CLYBL: variants seen among roughly 807,000 people sequenced by gnomAD.
CLYBL encodes citramalyl-CoA lyase, mitochondrial.
Under a neutral mutation model 38.9 loss-of-function variants are expected in CLYBL, and 31 were observed. The observed-to-expected ratio is 0.80, with a 90% CI of 0.60 to 1.08. CLYBL has a LOEUF of 1.08. Ranked by LOEUF, CLYBL falls within the 50% of genes least tolerant of loss-of-function variation. CLYBL has a pLI of 0.00. For synonymous variants in CLYBL, 171 were observed against 158.6 expected (o/e 1.08, Z -0.59); for missense variants, 434 against 411.6 (o/e 1.05, Z -0.47).
At chr13:99,705,780 T>C (rs954310064) in intron 1 of CLYBL, among the ~76,000 whole-genome samples, 1 of 152,030 alleles carries the variant, frequency 6.6e-6, no homozygotes, top group Non-Finnish European at 1.5e-5. Flanking sequence ...TTGGTGTTAG[T>C]GGGCTTACAG....
chr13:99,734,201 C>T (rs2282401), intron 1 of CLYBL, among the ~76,000 whole-genome samples: 71,139 of 151,884 alleles, frequency 0.47, 18,670 homozygotes, highest in Non-Finnish European at 0.6. Context: ...CTCCTCACCT[C>T]ATTCCCCTCT....
chr13:99,811,753 G>A (rs1353466997), intron 2 of CLYBL, among the ~76,000 whole-genome samples: 3 of 127,294 alleles, frequency 2.4e-5, no homozygotes, highest in East Asian at 2.1e-4. Flanking sequence ...AAAAATCCAC[G>A]AAACAAACAG....
chr13:99,795,824 A>C (rs371817924), intron 2 of CLYBL, among the ~76,000 whole-genome samples: 1 of 152,200 alleles, frequency 6.6e-6, no homozygotes, highest in African/African-American at 2.4e-5. Flanking sequence ...CAGGGGTAGA[A>C]GAATGAAACT....
intron 1 of CLYBL, among the ~76,000 whole-genome samples, chr13:99,685,276 A>G (rs2047799871): frequency 1.3e-5 from 2 of 152,216 alleles, no homozygotes. Context: ...ATAGTTCTAC[A>G]AAAATTGAAG....
intron 1 of CLYBL, among the ~76,000 whole-genome samples, chr13:99,679,090 T>C (rs2047694382): frequency 6.6e-6 from 1 of 151,906 alleles, no homozygotes; most frequent in South Asian, 2.1e-4. Flanking sequence ...GTCAGGAGAT[T>C]GAGATCATCC....
intron 2 of CLYBL, among the ~76,000 whole-genome samples, chr13:99,828,125 C>T (rs1005548107): frequency 1.3e-5 from 2 of 152,128 alleles, no homozygotes; most frequent in Non-Finnish European, 2.9e-5. Context: ...TGAAATAACA[C>T]CATAGAGTTT....
At chr13:99,717,690 G>A (rs527311198) in intron 1 of CLYBL, among the ~76,000 whole-genome samples, 2 of 152,048 alleles carry the variant, frequency 1.3e-5, no homozygotes, top group South Asian at 4.2e-4. Context: ...AGACTCCTGG[G>A]CTCAAGTGAT....
At chr13:99,855,438 A>G (rs1478508191) in intron 2 of CLYBL, among the ~76,000 whole-genome samples, 1 of 152,138 alleles carries the variant, frequency 6.6e-6, no homozygotes, top group Non-Finnish European at 1.5e-5. Context: ...GCCTCTTGCT[A>G]ATCCACCTAA....
At chr13:99,741,898 C>T (rs2048764071) in intron 1 of CLYBL, among the ~76,000 whole-genome samples, 1 of 152,148 alleles carries the variant, frequency 6.6e-6, no homozygotes, top group Non-Finnish European at 1.5e-5. Context: ...CATTATTGTT[C>T]CATTCTACCA....
At chr13:99,633,356 A>C (rs754237079) in intron 1 of CLYBL, among the ~76,000 whole-genome samples, 1 of 151,918 alleles carries the variant, frequency 6.6e-6, no homozygotes, top group Non-Finnish European at 1.5e-5. Context: ...CCTGGGCAAC[A>C]TGGCAAAACC....
intron 2 of CLYBL, among the ~76,000 whole-genome samples, chr13:99,856,219 A>G (rs184015199): frequency 6.6e-6 from 1 of 152,324 alleles, no homozygotes; most frequent in Non-Finnish European, 1.5e-5. Flanking sequence ...GCTTTGAACA[A>G]ACAAGTCCCT....
At chr13:99,663,789 C>CT (rs2047442081) in intron 1 of CLYBL, among the ~76,000 whole-genome samples, 1 of 152,250 alleles carries the variant, frequency 6.6e-6, no homozygotes, top group Non-Finnish European at 1.5e-5. Context: ...ATCTGGGCCC[C>CT]TAGGGACCCC....
intron 2 of CLYBL, among the ~76,000 whole-genome samples, chr13:99,781,134 A>G (rs2049639993): frequency 1.3e-5 from 2 of 149,770 alleles, no homozygotes; most frequent in East Asian, 3.9e-4. Flanking sequence ...TTTAAAATAT[A>G]TATATATTTT....
intron 1 of CLYBL, among the ~76,000 whole-genome samples, chr13:99,618,193 G>A (rs1177067910): frequency 6.6e-6 from 1 of 152,042 alleles, no homozygotes; most frequent in Admixed American, 6.6e-5. Flanking sequence ...ATTTAGGAAT[G>A]AAATATTTTG....
At chr13:99,636,403 G>C (rs1224969505) in intron 1 of CLYBL, among the ~76,000 whole-genome samples, 3 of 152,232 alleles carry the variant, frequency 2.0e-5, no homozygotes, top group Admixed American at 6.5e-5. Flanking sequence ...CTTGAAAACA[G>C]AGGTGGGACC....
chr13:99,879,635 G>A (rs1469069381), intron 7 of CLYBL, among the ~76,000 whole-genome samples: 1 of 152,218 alleles, frequency 6.6e-6, no homozygotes, highest in African/African-American at 2.4e-5. Flanking sequence ...CTAAATCTAT[G>A]ATTTATAAGA....
chr13:99,731,816 G>T (rs1193524245), intron 1 of CLYBL, among the ~76,000 whole-genome samples: 1 of 152,184 alleles, frequency 6.6e-6, no homozygotes, highest in African/African-American at 2.4e-5. Flanking sequence ...TTCTAGCCAA[G>T]AAGTAAACTG....
chr13:99,798,917 C>G (rs1256767020), intron 2 of CLYBL, among the ~76,000 whole-genome samples: 2 of 152,126 alleles, frequency 1.3e-5, no homozygotes, highest in Non-Finnish European at 2.9e-5. Context: ...AAACATAATC[C>G]TATTATAACA....
intron 1 of CLYBL, among the ~76,000 whole-genome samples, chr13:99,613,737 G>A (rs16956730): frequency 0.04 from 6,062 of 152,290 alleles, 423 homozygotes; most frequent in African/African-American, 0.14. Flanking sequence ...CTCACTCAGA[G>A]TAAGGATGAA....
Sources: allele counts gnomAD v4.1 joint callset (sites outside exome capture counted in the v4.1 genomes callset), GRCh38; gene constraint gnomAD v4.1.1; transcripts MANE v1.5; gene names NCBI Gene and HGNC (gene_info 2026-07-23, HGNC 2026-07-21).